The following RPL23 variants were observed in gnomAD, a reference collection of about 807,000 sequenced individuals.
RPL23 encodes the protein ribosomal protein L23.
For missense variants in RPL23, 79 were observed against 178.8 expected, an observed-to-expected ratio of 0.44 and a Z score of 3.18; for synonymous variants, 63 against 65.3, an observed-to-expected ratio of 0.97 and a Z score of 0.17.
In RPL23 at chr17:38,853,090, G is replaced by C; in HGVS notation, c.29C>G (p.Ser10Cys). 6.2e-7 allele frequency: 1 copy of C among 1,613,812 alleles called. No homozygotes were observed. Among genetic ancestry groups the C allele is most frequent in the South Asian group, 1.1e-5 (1 of 91,078 alleles). Residue 10 changes from serine (S) to cysteine (C), a missense_variant, in exon 2 of 5, where the codon TCT (serine) becomes TGT (cysteine). Transcript: ENST00000479035. The stretch of plus-strand genomic sequence containing the variant: ...CAAGGAAATCCGGAATTTCGCACCA[G>C]AGGACCCACCACGTCCTGTGGATAT... MSKRGRGGS[S>C]GAKFRISLGL...
chr17:38,850,257 G>A, intron 4 of RPL23, 43 bp from the exon 5 acceptor site: 2 of 1,555,838 alleles, frequency 1.3e-6, no homozygotes, highest in Non-Finnish European at 1.8e-6. Context: ...AAACATGTGG[G>A]GGACAGATTA....
At chr17:38,851,619 C>CT (rs913866964) in intron 3 of RPL23, 3 of 152,206 alleles carry the variant, frequency 2.0e-5, no homozygotes, top group African/African-American at 7.2e-5. Flanking sequence ...TGACAGCTCC[C>CT]TGGGCCACCA....
rs3826293 is a variant in RPL23 at position 38,848,764 on chromosome 17, C to T, written c.*1368G>A. 36,601 of 152,020 alleles carry T rather than the reference C, an allele frequency of 0.24. 4,526 individuals are homozygous for T. The highest frequency in any genetic ancestry group is 0.42 in the East Asian group (2,151 of 5,112). 9.4% of individuals were successfully genotyped at this position (152,020 alleles called of 1,614,324 possible). On this transcript the variant is annotated 3_prime_UTR_variant, in exon 5 of 5. Coordinates refer to ENST00000479035, the MANE Select transcript of RPL23 (RefSeq NM_000978.4). ...ATTCCATAACTAGTCATGGAAGACACTAAGGGTAGTCCTTTTTGATACCAA... is the reference window on the plus strand; with the variant it reads ...ATTCCATAACTAGTCATGGAAGACATTAAGGGTAGTCCTTTTTGATACCAA...
chr17:38,853,654 C>G (rs766079738), intron 1 of RPL23, 44 bp downstream of exon 1: 7 of 1,614,014 alleles, frequency 4.3e-6, no homozygotes, highest in East Asian at 2.2e-5. Flanking sequence ...CCGCCAGCCA[C>G]TGCACGACAG....
intron 1 of RPL23, 63 bp from the exon 2 acceptor site, chr17:38,853,168 TC>T (rs34160491): frequency 5.6e-6 from 7 of 1,256,890 alleles, no homozygotes; most frequent in Non-Finnish European, 8.1e-6. Flanking sequence ...GGTTCGGAGT[TC>T]CCCCTCATAC....
Position 38,848,978 on chromosome 17 carries a change from T to C in RPL23, c.*1154A>G, listed in dbSNP as rs574871064. 112 of 152,280 alleles carry C rather than the reference T, an allele frequency of 7.4e-4. No homozygotes were observed. Among genetic ancestry groups the C allele is most frequent in the African/African-American group, 2.6e-3 (110 of 41,564 alleles). The allele number at this position is 152,280 out of a possible 1,614,324, so 9.4% of individuals were successfully genotyped here. A position where few individuals can be genotyped will look rare whatever the true frequency, so the allele number is the denominator to read the frequency against. ...TCACCTAAATAAACTCTTACACGTT[T>C]AGAAAGAAATGCTAACAACCTCCTA... is the stretch of plus-strand genomic sequence containing the variant. On this transcript the variant is annotated 3_prime_UTR_variant, in exon 5 of 5. Transcript: ENST00000479035.
In RPL23 at chr17:38,849,244, T is replaced by C. The variant is rs1264447627; in HGVS notation, c.*888A>G. On this transcript the variant is annotated 3_prime_UTR_variant, in exon 5 of 5. Transcript: ENST00000479035. Reference sequence around the variant, plus strand: ...AAATATTCAATTTACTCCAAATCTGTTAACTGCTAAAATGTACATACATAA... The same window carrying C: ...AAATATTCAATTTACTCCAAATCTGCTAACTGCTAAAATGTACATACATAA... The C allele has an allele frequency of 6.6e-6, 1 of 151,980 alleles. No homozygotes were observed. Among genetic ancestry groups the C allele is most frequent in the Non-Finnish European group, 1.5e-5 (1 of 68,024 alleles). 9.4% of individuals were successfully genotyped at this position (151,980 alleles called of 1,614,324 possible).
At chr17:38,850,712 AAG>A in intron 3 of RPL23, 1 of 419,470 alleles carries the variant, frequency 2.4e-6, no homozygotes, top group Non-Finnish European at 4.3e-6. Context: ...CCATGTTGGC[AAG>A]CCTGGCCTCC....
intron 1 of RPL23, chr17:38,853,487 C>G (rs1913066599): frequency 1.4e-6 from 1 of 725,170 alleles, no homozygotes; most frequent in African/African-American, 1.7e-5. Context: ...GGTATCCAGA[C>G]TACATTCACG....
chr17:38,853,468 C>G, intron 1 of RPL23: 2 of 720,404 alleles, frequency 2.8e-6, no homozygotes, highest in Non-Finnish European at 5.1e-6. Context: ...ATTCGCGGAG[C>G]GATCTCGCGG....
intron 3 of RPL23, chr17:38,852,271 T>C (rs1390803182): frequency 4.7e-6 from 1 of 214,838 alleles, no homozygotes; most frequent in Non-Finnish European, 9.4e-6. Flanking sequence ...TTTTGTAATA[T>C]ATTTTTTTTT....
intron 1 of RPL23, 35 bp from the exon 2 acceptor site, chr17:38,853,140 A>G (rs546393811): frequency 5.2e-6 from 8 of 1,535,446 alleles, no homozygotes; most frequent in Non-Finnish European, 7.2e-6. Context: ...CAGGATAAAG[A>G]GATCACAATC....
intron 1 of RPL23, chr17:38,853,388 C>CTTTT: frequency 5.6e-6 from 4 of 710,238 alleles, no homozygotes; most frequent in Non-Finnish European, 1.1e-5. Flanking sequence ...TCCTGCAAGG[C>CTTTT]ATAAAACCGC....
chr17:38,850,302 A>G (rs757746503), intron 4 of RPL23, 60 bp downstream of exon 4: 16 of 1,552,500 alleles, frequency 1.0e-5, no homozygotes, highest in Non-Finnish European at 1.4e-5. Context: ...CTTGGCCTGT[A>G]CTTCTAGACA....
rs1030603548 is a variant in RPL23, at chr17:38,849,969, C to G, written c.*163G>C. 4 of 538,652 alleles carry G rather than the reference C, an allele frequency of 7.4e-6. No individual in the cohort carries two copies. The highest frequency in any genetic ancestry group is 2.0e-5 in the African/African-American group (1 of 50,878). 33.4% of individuals were successfully genotyped at this position (538,652 alleles called of 1,614,324 possible). A position where few individuals can be genotyped will look rare whatever the true frequency, so the allele number is the denominator to read the frequency against. Reference sequence around the variant, plus strand: ...CCTGTCTCCACCAAAAATACAAAAACTAGCCAGGCATGACGGCAGGTGCCT... The same window carrying G: ...CCTGTCTCCACCAAAAATACAAAAAGTAGCCAGGCATGACGGCAGGTGCCT... On this transcript the variant is annotated 3_prime_UTR_variant, in exon 5 of 5. Transcript: ENST00000479035.
At chr17:38,852,869 CA>C (rs767012409) in intron 2 of RPL23, 137 bp from the exon 3 acceptor site, 13 of 1,397,096 alleles carry the variant, frequency 9.3e-6, no homozygotes, top group Non-Finnish European at 1.0e-5. Context: ...AACGCCTTGT[CA>C]CACCACCGAT....
Position 38,848,101 on chromosome 17 carries a change from G to C in RPL23, c.*2031C>G. On this transcript the variant is annotated 3_prime_UTR_variant, in exon 5 of 5. Transcript: ENST00000479035. ...CATTCAAAAACAGCAGCGATTAGTG[G>C]TTAATATATAAGGATCATATATTGC... 6.6e-7 allele frequency: 1 copy of C among 1,514,992 alleles called. No homozygotes were observed. The highest frequency in any genetic ancestry group is 8.8e-7 in the Non-Finnish European group (1 of 1,133,098). 93.8% of individuals were successfully genotyped at this position (1,514,992 alleles called of 1,614,324 possible).
intron 1 of RPL23, chr17:38,853,497 G>A (rs759568127): frequency 1.8e-5 from 13 of 729,244 alleles, no homozygotes; most frequent in Non-Finnish European, 3.3e-5. Flanking sequence ...CTACATTCAC[G>A]TCGGGATCCT....
In RPL23 at chr17:38,850,119, AT is replaced by A. The variant is rs1912959664; in HGVS notation, c.*12del. 1 of 1,564,108 alleles carries A rather than the reference AT, an allele frequency of 6.4e-7. No homozygotes were observed. Among genetic ancestry groups the A allele is most frequent in the Non-Finnish European group, 8.7e-7 (1 of 1,155,570 alleles). On this transcript the variant is annotated 3_prime_UTR_variant, in exon 5 of 5. Coordinates refer to ENST00000479035, the MANE Select transcript of RPL23 (RefSeq NM_000978.4). Reference sequence around the variant, plus strand: ...TAGTTTTTTTTTTTATTTTTTACAAATATACTGGAGAATCATGCAATGCTGC... The same window carrying A: ...TAGTTTTTTTTTTTATTTTTTACAAAATACTGGAGAATCATGCAATGCTGC...
Sources: allele counts gnomAD v4.1 joint callset, GRCh38; gene constraint gnomAD v4.1.1; transcripts MANE v1.5; gene names NCBI Gene and HGNC (gene_info 2026-07-23, HGNC 2026-07-21).